The following DSE variants were observed in gnomAD, a reference collection of about 807,000 sequenced individuals.
DSE encodes dermatan-sulfate epimerase.
Under a neutral mutation model 84.4 loss-of-function variants are expected in DSE, and 36 were observed. The observed-to-expected ratio is 0.43, with a 90% CI of 0.33 to 0.56. The LOEUF (loss-of-function observed/expected upper bound fraction) is 0.56. Among genes scored for constraint, DSE ranks in the 20% least tolerant of loss-of-function variants. The pLI is 0.06. For synonymous variants in DSE, 410 were observed against 430.1 expected, an observed-to-expected ratio of 0.95 and a Z score of 0.58; for missense variants, 862 against 1,169.6, an observed-to-expected ratio of 0.74 and a Z score of 3.84.
chr6:116,341,801 G>A (rs1777611567), intron 2 of DSE, among the ~76,000 whole-genome samples: 1 of 152,194 alleles, frequency 6.6e-6, no homozygotes, highest in East Asian at 1.9e-4. Context: ...TCAGATGGTT[G>A]TAGATGTGTG....
intron 2 of DSE, among the ~76,000 whole-genome samples, chr6:116,311,002 C>T (rs188494028): frequency 2.6e-5 from 4 of 152,256 alleles, no homozygotes; most frequent in African/African-American, 7.2e-5. Context: ...CTTCTTGCTG[C>T]GCTTCCAGTG....
intron 2 of DSE, among the ~76,000 whole-genome samples, chr6:116,350,429 C>T (rs9387398): frequency 0.23 from 34,828 of 152,018 alleles, 5,236 homozygotes; most frequent in East Asian, 0.65. Flanking sequence ...CTCTTCTTTT[C>T]GTATCACAAA....
chr6:116,378,526 G>T (rs1442528551), intron 1 of DSE, among the ~76,000 whole-genome samples: 1 of 151,902 alleles, frequency 6.6e-6, no homozygotes, highest in Non-Finnish European at 1.5e-5. Flanking sequence ...CTTTCATTGA[G>T]GTAAACATTG....
rs1583220200 is a variant in DSE at position 116,426,715 on chromosome 6, G to T, written c.558G>T (p.Gly186=). Residue 186 remains glycine, a synonymous_variant, in exon 3 of 6, where the codon GGG becomes GGT. Transcript: ENST00000644252. ...KFLEVIANAS[G]YMYETSYRRG... ...TTGAAGTGATTGCCAATGCCTCAGG[G>T]TATATGTATGAAACTTCATACAGGA... 1 of 1,614,166 alleles carries T rather than the reference G, an allele frequency of 6.2e-7. No individual in the cohort carries two copies. Among genetic ancestry groups the T allele is most frequent in the Non-Finnish European group, 8.5e-7 (1 of 1,180,032 alleles).
intron 2 of DSE, among the ~76,000 whole-genome samples, chr6:116,309,756 G>C (rs1484797200): frequency 1.3e-5 from 2 of 152,172 alleles, no homozygotes; most frequent in Non-Finnish European, 2.9e-5. Context: ...TTCTCCTGAA[G>C]GGAGGAATGC....
intron 2 of DSE, among the ~76,000 whole-genome samples, chr6:116,333,271 C>T (rs1172567306): frequency 2.6e-5 from 4 of 152,094 alleles, no homozygotes; most frequent in Admixed American, 6.6e-5. Context: ...TTATTTGGCT[C>T]ATGGTTCTGG....
intron 2 of DSE, chr6:116,279,207 A>C (rs750322697): frequency 1.2e-5 from 19 of 1,609,698 alleles, no homozygotes; most frequent in African/African-American, 2.7e-5. Context: ...CCTCCAATCT[A>C]TCCTCCTCCG....
Position 116,370,980 on chromosome 6 carries a change from C to A in DSE, c.-195C>A. On this transcript the variant is annotated 5_prime_UTR_variant, in exon 1 of 6. Coordinates refer to ENST00000644252, the MANE Select transcript of DSE (RefSeq NM_013352.4). The stretch of plus-strand genomic sequence containing the variant: ...CGCCCGAGGCTGCAGCAGCGCATCC[C>A]GGGGCATGGCGCGGCGGGGGCGCGG... 2 of 985,182 alleles carry A rather than the reference C, an allele frequency of 2.0e-6. No homozygotes were observed. Among genetic ancestry groups the A allele is most frequent in the Non-Finnish European group, 2.4e-6 (2 of 830,000 alleles). 61.0% of individuals were successfully genotyped at this position (985,182 alleles called of 1,614,324 possible).
At position 116,308,771 on chromosome 6, in the gene DSE, G is replaced by A. The variant is rs184052827; in HGVS notation, c.-54+49804G>A. Among the ~76,000 whole-genome samples, 750 of 151,848 alleles carry A rather than the reference G, an allele frequency of 4.9e-3. 8 individuals carry two copies. Among genetic ancestry groups the A allele is most frequent in the African/African-American group, 0.017 (712 of 41,382 alleles). ...CGGCTCACTGCAAGCTCCGCCTCCC[G>A]GGTTCATGCCATTCTCCTGCCTCAG... On this transcript the variant is annotated intron_variant, in intron 2 of 3. Transcript: ENST00000430252.
At chr6:116,371,175 C>T in intron 1 of DSE, 54 bp downstream of exon 1, 1 of 985,582 alleles carries the variant, frequency 1.0e-6, no homozygotes, top group Non-Finnish European at 1.2e-6. Context: ...CAACTTTCTT[C>T]GGGAGTTTCG....
At chr6:116,310,416 A>C (rs946132089) in intron 2 of DSE, among the ~76,000 whole-genome samples, 2 of 151,656 alleles carry the variant, frequency 1.3e-5, no homozygotes, top group African/African-American at 4.9e-5. Flanking sequence ...TTATCCAGCC[A>C]TTCACGATAA....
chr6:116,405,634 T>G (rs571005460), intron 2 of DSE, among the ~76,000 whole-genome samples: 1 of 152,240 alleles, frequency 6.6e-6, no homozygotes, highest in East Asian at 1.9e-4. Context: ...AAATAACTTA[T>G]GAGGCTTTTT....
At chr6:116,388,314 G>C (rs530551066) in intron 1 of DSE, among the ~76,000 whole-genome samples, 7 of 152,140 alleles carry the variant, frequency 4.6e-5, no homozygotes. Flanking sequence ...CAGTTAGGCC[G>C]AGAGAAAATC....
upstream of DSE, among the ~76,000 whole-genome samples, chr6:116,368,438 G>A (rs563193765): frequency 5.1e-4 from 77 of 152,282 alleles, no homozygotes; most frequent in Middle Eastern, 3.4e-3. Flanking sequence ...TTATATCAAT[G>A]ATACCCAATA....
Position 116,371,070 on chromosome 6 carries a change from T to TCTGGAGG in DSE, c.-101_-95dup, listed in dbSNP as rs1292046043. 11 of 985,882 alleles carry TCTGGAGG rather than the reference T, an allele frequency of 1.1e-5. No individual in the cohort carries two copies. The highest frequency in any genetic ancestry group is 1.3e-5 in the Non-Finnish European group (11 of 830,498). 61.1% of individuals were successfully genotyped at this position (985,882 alleles called of 1,614,324 possible). A position where few individuals can be genotyped will look rare whatever the true frequency, so the allele number is the denominator to read the frequency against. On this transcript the variant is annotated 5_prime_UTR_variant, in exon 1 of 6. Transcript: ENST00000644252. ...GGAGTGAGGAGGACCGGGAGCTGGC[T>TCTGGAGG]CTGGAGGCTGCGGAGGCGACGCCGG...
chr6:116,395,110 G>A (rs934909630), intron 1 of DSE, among the ~76,000 whole-genome samples: 1 of 152,266 alleles, frequency 6.6e-6, no homozygotes. Flanking sequence ...GTGTGTGTTT[G>A]TGTTTGTTTC....
At chr6:116,335,116 A>C (rs1349955350) in intron 2 of DSE, among the ~76,000 whole-genome samples, 1 of 152,234 alleles carries the variant, frequency 6.6e-6, no homozygotes, top group African/African-American at 2.4e-5. Flanking sequence ...AAAGACATGG[A>C]ATCAACCTAA....
chr6:116,414,906 A>G (rs1782603802), intron 2 of DSE, among the ~76,000 whole-genome samples: 3 of 152,306 alleles, frequency 2.0e-5, no homozygotes, highest in South Asian at 4.1e-4. Flanking sequence ...TTTTCTATCT[A>G]TTCAAACAAG....
At chr6:116,406,745 T>G (rs1292988836) in intron 2 of DSE, among the ~76,000 whole-genome samples, 1 of 152,206 alleles carries the variant, frequency 6.6e-6, no homozygotes, top group Admixed American at 6.5e-5. Context: ...GGAACACATT[T>G]CAGTCATGCT....
Sources: allele counts gnomAD v4.1 joint callset (sites outside exome capture counted in the v4.1 genomes callset), GRCh38; gene constraint gnomAD v4.1.1; transcripts MANE v1.5; gene names NCBI Gene and HGNC (gene_info 2026-07-23, HGNC 2026-07-21).